Variants in PCDH11X observed in about 807,000 individuals in gnomAD.
PCDH11X encodes the protein protocadherin 11 X-linked, also known as protocadherin-11 X-linked.
A neutral mutation model predicts 53.3 loss-of-function variants in PCDH11X; 18 were observed. The observed-to-expected ratio is 0.34, with a 90% CI of 0.23 to 0.50. The LOEUF (loss-of-function observed/expected upper bound fraction) is 0.50. Among genes scored for constraint, PCDH11X ranks in the 20% least tolerant of loss-of-function variants. PCDH11X has a pLI of 0.98. For missense variants in PCDH11X, 570 were observed against 1,032.4 expected (o/e 0.55, Z 6.14); for synonymous variants, 279 against 393.3 (o/e 0.71, Z 3.44).
At chrX:92,323,110 C>T (rs757344763) in intron 8 of PCDH11X, among the ~76,000 whole-genome samples, 184 of 110,122 alleles carry the variant, frequency 1.7e-3, no homozygotes, top group African/African-American at 5.7e-3. Context: ...TAAACAAATA[C>T]TTTATAGAGA....
chrX:92,321,021 A>G (rs2069188153), intron 8 of PCDH11X, among the ~76,000 whole-genome samples: 1 of 107,539 alleles, frequency 9.3e-6, no homozygotes, highest in Non-Finnish European at 1.9e-5. Flanking sequence ...ACATGAAGAC[A>G]TAGAAGCTTA....
At chrX:92,406,055 C>T (rs1178741402) in intron 9 of PCDH11X, among the ~76,000 whole-genome samples, 13 of 100,322 alleles carry the variant, frequency 1.3e-4, no homozygotes, top group African/African-American at 4.1e-4. Context: ...AGATCTATCA[C>T]GCCACTGCAC....
intron 10 of PCDH11X, among the ~76,000 whole-genome samples, chrX:92,567,879 A>T (rs999007088): frequency 9.3e-6 from 1 of 107,088 alleles, no homozygotes; most frequent in Non-Finnish European, 1.9e-5. Flanking sequence ...GCATCAGGAA[A>T]AATAGCTAAT....
At chrX:92,120,058 G>A (rs1245507940) in intron 6 of PCDH11X, among the ~76,000 whole-genome samples, 2 of 109,801 alleles carry the variant, frequency 1.8e-5, no homozygotes, top group African/African-American at 6.6e-5. Context: ...TATTTTTCAT[G>A]TAATACAAAG....
intron 10 of PCDH11X, among the ~76,000 whole-genome samples, chrX:92,471,891 C>T (rs1246618738): frequency 9.1e-6 from 1 of 110,106 alleles, no homozygotes; most frequent in Non-Finnish European, 1.9e-5. Flanking sequence ...TGATTGTTGA[C>T]CACATGTATG....
chrX:92,150,011 T>G (rs1371640870), intron 6 of PCDH11X, among the ~76,000 whole-genome samples: 1 of 112,067 alleles, frequency 8.9e-6, no homozygotes, highest in Admixed American at 9.5e-5. Flanking sequence ...TTGATAGGCA[T>G]TTGTGTTGTT....
intron 6 of PCDH11X, among the ~76,000 whole-genome samples, chrX:92,027,547 G>A (rs2525271): frequency 3.6e-5 from 4 of 110,894 alleles, no homozygotes; most frequent in Non-Finnish European, 7.6e-5. Flanking sequence ...TATATATAGC[G>A]TAGCAAGAGA....
chrX:92,569,210 T>C (rs1451020877), intron 10 of PCDH11X, among the ~76,000 whole-genome samples: 2 of 109,579 alleles, frequency 1.8e-5, no homozygotes, highest in African/African-American at 6.6e-5. Context: ...ATTAGCTCTT[T>C]GGCCTTAGAA....
intron 6 of PCDH11X, among the ~76,000 whole-genome samples, chrX:92,164,577 CAA>C (rs2065699759): frequency 8.9e-6 from 1 of 111,818 alleles, no homozygotes; most frequent in African/African-American, 3.2e-5. Flanking sequence ...AAATTAAAAA[CAA>C]AGGCTATTGC....
At chrX:92,487,391 A>G (rs1380046133) in intron 10 of PCDH11X, among the ~76,000 whole-genome samples, 2 of 111,215 alleles carry the variant, frequency 1.8e-5, no homozygotes, top group Non-Finnish European at 3.8e-5. Context: ...GACTAGAGAG[A>G]TAGTACTTAA....
intron 6 of PCDH11X, among the ~76,000 whole-genome samples, chrX:91,967,267 C>T (rs1203506445): frequency 9.1e-6 from 1 of 109,885 alleles, no homozygotes; most frequent in African/African-American, 3.3e-5. Flanking sequence ...GACAGGGGTC[C>T]CCAAACCGTG....
chrX:92,302,862 G>A (rs932403210), intron 8 of PCDH11X, among the ~76,000 whole-genome samples: 24 of 110,506 alleles, frequency 2.2e-4, no homozygotes, highest in African/African-American at 8.0e-4. Flanking sequence ...TGAATTCAAG[G>A]GAAATATAAG....
intron 7 of PCDH11X, among the ~76,000 whole-genome samples, chrX:92,207,792 T>G (rs1365610765): frequency 1.8e-5 from 2 of 111,455 alleles, no homozygotes; most frequent in Non-Finnish European, 3.8e-5. Context: ...ATAACTGACT[T>G]CTGGCAAAAA....
chrX:92,447,765 C>T (rs978525921), intron 9 of PCDH11X, among the ~76,000 whole-genome samples: 1 of 112,419 alleles, frequency 8.9e-6, no homozygotes, highest in Non-Finnish European at 1.9e-5. Flanking sequence ...AATGGTAGAT[C>T]CACTGACAGC....
chrX:92,566,439 C>T (rs1233919344), intron 10 of PCDH11X, among the ~76,000 whole-genome samples: 1 of 110,893 alleles, frequency 9.0e-6, no homozygotes, highest in Non-Finnish European at 1.9e-5. Context: ...AGGGAAAATA[C>T]AATTACAAAT....
chrX:92,102,456 AGTT>A (rs774375126), intron 6 of PCDH11X, among the ~76,000 whole-genome samples: 1,150 of 109,485 alleles, frequency 0.011, 12 homozygotes, highest in African/African-American at 0.027. Flanking sequence ...GAAGGAAAGG[AGTT>A]GTTGTTTTGT....
intron 10 of PCDH11X, among the ~76,000 whole-genome samples, chrX:92,487,649 A>G (rs1362548102): frequency 9.0e-6 from 1 of 111,230 alleles, no homozygotes; most frequent in Non-Finnish European, 1.9e-5. Context: ...AGAAATAAGT[A>G]TACTGCAATC....
At chrX:92,209,996 G>A (rs2066550386) in intron 7 of PCDH11X, among the ~76,000 whole-genome samples, 1 of 111,247 alleles carries the variant, frequency 9.0e-6, no homozygotes, top group Non-Finnish European at 1.9e-5. Flanking sequence ...AGCTGGAACA[G>A]CTGGGACACA....
At chrX:92,491,621 A>G (rs2073768532) in intron 10 of PCDH11X, among the ~76,000 whole-genome samples, 1 of 110,511 alleles carries the variant, frequency 9.0e-6, no homozygotes, top group South Asian at 3.8e-4. Context: ...AACTTTTTGT[A>G]TACTATACAA....
Sources: allele counts gnomAD v4.1 joint callset (sites outside exome capture counted in the v4.1 genomes callset), GRCh38; gene constraint gnomAD v4.1.1; transcripts MANE v1.5; gene names NCBI Gene and HGNC (gene_info 2026-07-23, HGNC 2026-07-21).